Variants in SDK1 observed in about 807,000 individuals in gnomAD.
The protein encoded by SDK1 is protein sidekick-1.
A neutral mutation model predicts 245.5 loss-of-function variants in SDK1; 157 were observed. The observed-to-expected ratio is 0.64, with a 90% confidence interval of 0.56 to 0.73. The LOEUF (loss-of-function observed/expected upper bound fraction) is 0.73, where lower values mean the gene tolerates loss of function less well. SDK1 is among the 30% of genes least tolerant of loss of function. SDK1 has a pLI of 0.00. For missense variants in SDK1, 3,583 were observed against 3,002.3 expected (o/e 1.19, Z -4.52); for synonymous variants, 1,647 against 1,278.5 (o/e 1.29, Z -6.15).
At chr7:3,705,910 C>T (rs1197026592) in intron 4 of SDK1, among the ~76,000 whole-genome samples, 1 of 152,124 alleles carries the variant, frequency 6.6e-6, no homozygotes, top group Non-Finnish European at 1.5e-5. Flanking sequence ...GTGGGTTTGC[C>T]ACAGATGGCT....
At chr7:3,357,045 A>ACT (rs1210888948) in intron 1 of SDK1, among the ~76,000 whole-genome samples, 66 of 117,182 alleles carry the variant, frequency 5.6e-4, no homozygotes, top group Non-Finnish European at 8.2e-4. Flanking sequence ...ACAGAGCGAG[A>ACT]CTCTCTCGAA....
At chr7:3,613,783 T>C (rs891327347) in intron 1 of SDK1, among the ~76,000 whole-genome samples, 3 of 152,002 alleles carry the variant, frequency 2.0e-5, no homozygotes, top group Non-Finnish European at 4.4e-5. Context: ...CACCATGGAA[T>C]ACTACGCAGC....
chr7:3,347,536 T>C (rs1780542017), intron 1 of SDK1, among the ~76,000 whole-genome samples: 1 of 152,182 alleles, frequency 6.6e-6, no homozygotes, highest in South Asian at 2.1e-4. Context: ...AAGGTGATTT[T>C]CTGTTCCTAG....
intron 1 of SDK1, among the ~76,000 whole-genome samples, chr7:3,491,329 T>G (rs75821054): frequency 0.018 from 2,685 of 152,292 alleles, 91 homozygotes; most frequent in African/African-American, 0.062. Context: ...CTCCAACCAT[T>G]TACATCAGAG....
At chr7:3,522,338 CA>C (rs1272366034) in intron 1 of SDK1, among the ~76,000 whole-genome samples, 1 of 152,202 alleles carries the variant, frequency 6.6e-6, no homozygotes, top group East Asian at 1.9e-4. Context: ...ATATGAGGAT[CA>C]CCCAGCATGT....
intron 22 of SDK1, among the ~76,000 whole-genome samples, chr7:4,096,926 G>T (rs183415365): frequency 6.6e-6 from 1 of 152,318 alleles, no homozygotes; most frequent in East Asian, 1.9e-4. Context: ...GGCAGCCTGG[G>T]CTCAAACACC....
intron 4 of SDK1, among the ~76,000 whole-genome samples, chr7:3,655,632 T>G (rs1386800227): frequency 4.0e-5 from 6 of 150,932 alleles, no homozygotes; most frequent in African/African-American, 1.5e-4. Context: ...GAGGAAAAGG[T>G]TTTATTTTTG....
intron 34 of SDK1, 76 bp downstream of exon 34, chr7:4,175,910 CAAGGGAAAACCAGCCTGGATT>C: frequency 1.5e-6 from 2 of 1,296,256 alleles, no homozygotes; most frequent in Non-Finnish European, 1.1e-6. Flanking sequence ...TCTCTCAGTG[CAAGGGAAAACCAGCCTGGATT>C]AATGGCTCCA....
At chr7:3,799,738 C>G (rs892458220) in intron 4 of SDK1, among the ~76,000 whole-genome samples, 2 of 150,798 alleles carry the variant, frequency 1.3e-5, no homozygotes, top group African/African-American at 4.9e-5. Context: ...CTCGTTTATC[C>G]TAAAATTGCC....
intron 1 of SDK1, among the ~76,000 whole-genome samples, chr7:3,563,790 T>C (rs1779822429): frequency 6.6e-6 from 1 of 152,178 alleles, no homozygotes; most frequent in East Asian, 1.9e-4. Flanking sequence ...ATAAACCGTG[T>C]ATTATGCCAT....
chr7:3,685,577 T>C (rs1271288562), intron 4 of SDK1, among the ~76,000 whole-genome samples: 1 of 152,156 alleles, frequency 6.6e-6, no homozygotes, highest in Non-Finnish European at 1.5e-5. Flanking sequence ...TCTGTTGAGG[T>C]TCATATGTGA....
intron 4 of SDK1, among the ~76,000 whole-genome samples, chr7:3,655,515 A>ATGTG (rs1783155087): frequency 7.5e-6 from 1 of 133,216 alleles, no homozygotes; most frequent in South Asian, 2.4e-4. Flanking sequence ...GTATGTATGT[A>ATGTG]TATAAAATGT....
chr7:3,448,808 A>G (rs1001286205), intron 1 of SDK1, among the ~76,000 whole-genome samples: 14 of 152,184 alleles, frequency 9.2e-5, no homozygotes, highest in African/African-American at 3.1e-4. Flanking sequence ...TCAGTAAGGT[A>G]ATGACTTTTT....
At chr7:3,876,030 G>T (rs77486765) in intron 5 of SDK1, among the ~76,000 whole-genome samples, 1 of 152,214 alleles carries the variant, frequency 6.6e-6, no homozygotes, top group African/African-American at 2.4e-5. Context: ...TCTTGCCATA[G>T]GTGGTGGAAG....
intron 1 of SDK1, among the ~76,000 whole-genome samples, chr7:3,538,761 G>C (rs552993130): frequency 6.6e-6 from 1 of 152,198 alleles, no homozygotes; most frequent in Non-Finnish European, 1.5e-5. Context: ...AACCTGGAGT[G>C]GGGGCAGAAA....
chr7:3,802,328 G>A (rs1165252576), intron 4 of SDK1, among the ~76,000 whole-genome samples: 4 of 151,910 alleles, frequency 2.6e-5, no homozygotes, highest in Admixed American at 6.6e-5. Context: ...GTTCAAGACC[G>A]GCCTGGGCAA....
chr7:3,591,234 A>G (rs1019924573), intron 1 of SDK1, among the ~76,000 whole-genome samples: 1 of 152,166 alleles, frequency 6.6e-6, no homozygotes, highest in Non-Finnish European at 1.5e-5. Flanking sequence ...AGTTAGTATA[A>G]GGATTACCTT....
chr7:3,768,433 C>T (rs1780317516), intron 4 of SDK1, among the ~76,000 whole-genome samples: 1 of 152,146 alleles, frequency 6.6e-6, no homozygotes, highest in South Asian at 2.1e-4. Flanking sequence ...AAATAAAAAT[C>T]AGTAACTTCA....
At chr7:3,681,468 C>G (rs1358682363) in intron 4 of SDK1, among the ~76,000 whole-genome samples, 1 of 152,140 alleles carries the variant, frequency 6.6e-6, no homozygotes, top group Non-Finnish European at 1.5e-5. Context: ...AGTTTTACCT[C>G]AGAATGGAAT....
Sources: gnomAD v4.1 joint callset for allele counts (sites outside exome capture counted in the v4.1 genomes callset) on GRCh38, gnomAD v4.1.1 for gene constraint, MANE v1.5 for transcripts, NCBI Gene and HGNC (gene_info 2026-07-23, HGNC 2026-07-21) for gene names.